Variants in ARMH3 observed in about 807,000 individuals in gnomAD.
ARMH3 encodes armadillo like helical domain containing 3.
ARMH3 carries 60 observed loss-of-function variants against 99.1 expected under a neutral mutation model. The ratio of observed to expected loss-of-function variants is 0.61; its 90% CI spans 0.49 to 0.75. The LOEUF is 0.75. Ranked by LOEUF, ARMH3 falls within the 30% of genes least tolerant of loss-of-function variation. The probability of loss-of-function intolerance (pLI) is 0.00; values close to 1 mark genes in which losing one functional copy is unlikely to be tolerated. For synonymous variants in ARMH3, 285 were observed against 292.8 expected (o/e 0.97, Z 0.27); for missense variants, 679 against 843.1 (o/e 0.81, Z 2.41).
chr10:102,027,743 G>C (rs1261812795), intron 5 of ARMH3, among the ~76,000 whole-genome samples: 1 of 151,908 alleles, frequency 6.6e-6, no homozygotes, highest in Admixed American at 6.6e-5. Context: ...TATATGAACT[G>C]CAAAAGGCCA....
At chr10:101,928,761 G>A (rs780312725) in intron 23 of ARMH3, among the ~76,000 whole-genome samples, 2 of 152,066 alleles carry the variant, frequency 1.3e-5, no homozygotes, top group Admixed American at 6.5e-5. Context: ...GCAGAGTTTC[G>A]CTCTTGTTGT....
chr10:101,990,624 T>C lies in ARMH3; in HGVS notation c.1346-13A>G, dbSNP rs1003198544. On this transcript the variant is annotated splice_polypyrimidine_tract_variant and intron_variant, in intron 18 of 25. Transcript: ENST00000370033. Reference sequence around the variant, plus strand: ...TCTACCATCAGGTCTGAAAGGGGAATAGAGAAAAACTGGATCAATTACAAT... The same window carrying C: ...TCTACCATCAGGTCTGAAAGGGGAACAGAGAAAAACTGGATCAATTACAAT... 6.3e-7 allele frequency: 1 copy of C among 1,596,752 alleles called. No homozygotes were observed. Among genetic ancestry groups the C allele is most frequent in the Non-Finnish European group, 8.6e-7 (1 of 1,166,660 alleles).
chr10:102,024,342 G>A lies in ARMH3; in HGVS notation c.508-593C>T, dbSNP rs542479009. Among the ~76,000 whole-genome samples, 8 of 151,904 alleles carry A rather than the reference G, an allele frequency of 5.3e-5. No individual in the cohort carries two copies. In the East Asian group the frequency reaches 1.4e-3, roughly 26 times the overall value. On this transcript the variant is annotated intron_variant, in intron 6 of 25. Transcript: ENST00000370033. ...TACATGCCTGTAATCCCAGCTACTC[G>A]GGAGGCTGAGGCAGGAGAACTGTTC...
Position 102,011,671 on chromosome 10 carries a change from A to G in ARMH3, c.831+52T>C, listed in dbSNP as rs1244760792. The G allele has an allele frequency of 3.3e-6, 5 of 1,496,066 alleles. No individual in the cohort carries two copies. In the Admixed American group the frequency reaches 7.5e-5, roughly 22 times the overall value. The allele number at this position is 1,496,066 out of a possible 1,614,324, so 92.7% of individuals were successfully genotyped here. ...CGGAGCCCGATTTGTCCACCCCTGC[A>G]GACCACACTGTTTCTGTTTTTTTCA... On this transcript the variant is annotated intron_variant, in intron 11 of 25. Coordinates refer to ENST00000370033, the MANE Select transcript of ARMH3 (RefSeq NM_024541.3).
intron 23 of ARMH3, among the ~76,000 whole-genome samples, chr10:101,917,132 C>G (rs1168928638): frequency 2.6e-5 from 4 of 152,058 alleles, no homozygotes; most frequent in African/African-American, 7.2e-5. Context: ...TCTGAAAAAC[C>G]CTGATACAAG....
intron 19 of ARMH3, among the ~76,000 whole-genome samples, chr10:101,976,880 T>C (rs1328781051): frequency 6.6e-6 from 1 of 152,138 alleles, no homozygotes; most frequent in Non-Finnish European, 1.5e-5. Context: ...CTAGAACTCC[T>C]GGCCTCAAGT....
At chr10:101,898,223 T>C (rs1233768956) in intron 23 of ARMH3, among the ~76,000 whole-genome samples, 2 of 151,306 alleles carry the variant, frequency 1.3e-5, no homozygotes, top group Non-Finnish European at 2.9e-5. Context: ...CATGGTGACA[T>C]GTGCCTGTTG....
chr10:102,033,162 T>C lies in ARMH3; in HGVS notation c.170A>G (p.Glu57Gly). ...AGATTCCAGCTTGCCTTCTAGGTAC[T>C]CTAAATTCACCTGCCAAGGAAACAA... ...EELFLMKVNLEYLEGKLESLD... is the reference protein window; with the variant it reads ...EELFLMKVNLGYLEGKLESLD... Residue 57 changes from glutamate (E) to glycine (G), a missense_variant, in exon 4 of 26, where the codon GAG (glutamate) becomes GGG (glycine). Coordinates refer to ENST00000370033, the MANE Select transcript of ARMH3 (RefSeq NM_024541.3). The C allele has an allele frequency of 6.2e-7, 1 of 1,614,206 alleles. No homozygotes were observed. The highest frequency in any genetic ancestry group is 8.5e-7 in the Non-Finnish European group (1 of 1,180,038).
At chr10:101,981,507 T>G (rs1036696767) in intron 19 of ARMH3, among the ~76,000 whole-genome samples, 1 of 152,190 alleles carries the variant, frequency 6.6e-6, no homozygotes, top group African/African-American at 2.4e-5. Flanking sequence ...AGGATACAAG[T>G]GAATTGAACT....
intron 11 of ARMH3, 86 bp downstream of exon 11, chr10:102,011,637 T>C (rs1426149156): frequency 3.1e-5 from 35 of 1,125,974 alleles, no homozygotes; most frequent in Non-Finnish European, 4.4e-5. Flanking sequence ...ACTTCAAATA[T>C]CTGAACTTCG....
intron 20 of ARMH3, 111 bp downstream of exon 20, chr10:101,975,101 G>T: frequency 3.0e-6 from 1 of 337,512 alleles, no homozygotes. Context: ...GAAAATAAAG[G>T]CAACCTAAAC....
intron 8 of ARMH3, among the ~76,000 whole-genome samples, chr10:102,015,051 A>G (rs934367542): frequency 6.6e-6 from 1 of 152,220 alleles, no homozygotes; most frequent in Non-Finnish European, 1.5e-5. Flanking sequence ...TCAACTGGGA[A>G]CAGAGAAAGA....
intron 24 of ARMH3, among the ~76,000 whole-genome samples, chr10:101,851,724 C>T (rs2066604739): frequency 6.6e-6 from 1 of 152,160 alleles, no homozygotes; most frequent in South Asian, 2.1e-4. Context: ...GGAGAGTTAC[C>T]GAGTTCGGTT....
intron 22 of ARMH3, among the ~76,000 whole-genome samples, chr10:101,950,278 G>T (rs1010927907): frequency 1.3e-5 from 2 of 152,100 alleles, no homozygotes; most frequent in Non-Finnish European, 2.9e-5. Flanking sequence ...CAGGATACAA[G>T]ATCAAAAATA....
chr10:102,045,132 A>AAG (rs1268637497), intron 1 of ARMH3, among the ~76,000 whole-genome samples: 1 of 150,326 alleles, frequency 6.7e-6, no homozygotes, highest in Non-Finnish European at 1.5e-5. Context: ...CTTGTCTCAA[A>AAG]AAAAAAAAAA....
intron 19 of ARMH3, among the ~76,000 whole-genome samples, chr10:101,982,776 T>C (rs1000355594): frequency 5.9e-5 from 9 of 152,082 alleles, no homozygotes; most frequent in Non-Finnish European, 1.3e-4. Context: ...GATCTGTCAC[T>C]GTCTCCCATC....
At chr10:101,888,913 C>G (rs966975121) in intron 24 of ARMH3, among the ~76,000 whole-genome samples, 1 of 152,184 alleles carries the variant, frequency 6.6e-6, no homozygotes, top group African/African-American at 2.4e-5. Context: ...ATCTCTAACT[C>G]AGTCCATACC....
chr10:101,971,034 T>C (rs189762817), intron 20 of ARMH3, among the ~76,000 whole-genome samples: 2 of 144,076 alleles, frequency 1.4e-5, no homozygotes, highest in Non-Finnish European at 3.0e-5. Context: ...GAGACAGAGG[T>C]TGCAGTGAGC....
At chr10:101,880,103 C>T (rs1321900415) in intron 24 of ARMH3, among the ~76,000 whole-genome samples, 4 of 152,194 alleles carry the variant, frequency 2.6e-5, no homozygotes, top group Admixed American at 6.5e-5. Context: ...CTCGAGAATT[C>T]GCAAAGCAAC....
Sources: allele counts gnomAD v4.1 joint callset (sites outside exome capture counted in the v4.1 genomes callset), GRCh38; gene constraint gnomAD v4.1.1; transcripts MANE v1.5; gene names NCBI Gene and HGNC (gene_info 2026-07-23, HGNC 2026-07-21).